Variants in ZNF385B observed in about 807,000 individuals in gnomAD.
ZNF385B encodes zinc finger protein 385B.
In ZNF385B, 23 loss-of-function variants were observed where a neutral mutation model predicts 39.2. That is an observed-to-expected ratio of 0.59 (90% CI 0.42 to 0.83). The LOEUF is 0.83. Among genes scored for constraint, ZNF385B ranks in the 40% least tolerant of loss-of-function variants. The probability of loss-of-function intolerance (pLI) is 0.00; values close to 1 mark genes in which losing one functional copy is unlikely to be tolerated. For missense variants in ZNF385B, 552 were observed against 598.9 expected (o/e 0.92, Z 0.82); for synonymous variants, 205 against 222.6 (o/e 0.92, Z 0.70).
rs185648677 is a variant in ZNF385B, at chr2:179,498,330, G to C, written c.553-14896C>G. 1.3e-4 allele frequency among the ~76,000 whole-genome samples: 19 copies of C among 151,386 alleles called. 1 individual carries two copies. Among genetic ancestry groups the C allele is most frequent in the Admixed American group, 1.2e-3 (18 of 15,210 alleles). On this transcript the variant is annotated intron_variant, in intron 5 of 9. Transcript: ENST00000410066. ...ACTACATATAACAAGTCTACATATA[G>C]ACCAAATGGGCCTATTAGATATTTA...
chr2:179,708,237 G>C (rs556167170), intron 3 of ZNF385B, among the ~76,000 whole-genome samples: 1 of 152,168 alleles, frequency 6.6e-6, no homozygotes, highest in Admixed American at 6.5e-5. Context: ...TTTCCCCCAC[G>C]CTGTTCTCTT....
chr2:179,505,827 T>TA (rs1483158803), intron 5 of ZNF385B, among the ~76,000 whole-genome samples: 2 of 151,950 alleles, frequency 1.3e-5, no homozygotes, highest in Admixed American at 1.3e-4. Flanking sequence ...TTAAAAACAA[T>TA]AAAAAAACGG....
chr2:179,638,426 G>A (rs1269179461), intron 3 of ZNF385B, among the ~76,000 whole-genome samples: 4 of 152,102 alleles, frequency 2.6e-5, no homozygotes, highest in East Asian at 3.9e-4. Context: ...TAGCAGTCCC[G>A]GTGTAGCAAA....
intron 3 of ZNF385B, among the ~76,000 whole-genome samples, chr2:179,568,370 A>T (rs1574839675): frequency 6.6e-6 from 1 of 152,134 alleles, no homozygotes; most frequent in Non-Finnish European, 1.5e-5. Context: ...CCTGTTACTA[A>T]AATATAATCT....
chr2:179,545,381 G>A (rs1389303787), intron 3 of ZNF385B, among the ~76,000 whole-genome samples: 2 of 152,122 alleles, frequency 1.3e-5, no homozygotes, highest in African/African-American at 4.8e-5. Context: ...TAGTGGACAG[G>A]TTTTATGCAA....
At chr2:179,705,228 A>G (rs1699502985) in intron 3 of ZNF385B, among the ~76,000 whole-genome samples, 1 of 151,952 alleles carries the variant, frequency 6.6e-6, no homozygotes, top group Admixed American at 6.6e-5. Flanking sequence ...AGTACCACTC[A>G]TCTCTGGGCT....
chr2:179,493,636 T>C (rs1257999076), intron 5 of ZNF385B, among the ~76,000 whole-genome samples: 11 of 100,084 alleles, frequency 1.1e-4, no homozygotes, highest in Non-Finnish European at 1.5e-4. Flanking sequence ...TACGCATATG[T>C]ATACACATAT....
chr2:179,446,518 T>G lies in ZNF385B; in HGVS notation c.961+7A>C, dbSNP rs1292311975. On this transcript the variant is annotated splice_region_variant and intron_variant, in intron 7 of 9. Coordinates refer to ENST00000410066, the MANE Select transcript of ZNF385B (RefSeq NM_152520.6). The stretch of plus-strand genomic sequence containing the variant: ...ACATTATTTAAATGCAAAAGATAGC[T>G]GCTAACCTGTGTTGTGTGCCTCTAG... 1 of 1,609,798 alleles carries G rather than the reference T, an allele frequency of 6.2e-7. No homozygotes were observed. Among genetic ancestry groups the G allele is most frequent in the Non-Finnish European group, 8.5e-7 (1 of 1,178,168 alleles).
intron 3 of ZNF385B, among the ~76,000 whole-genome samples, chr2:179,688,602 G>A (rs1222812908): frequency 6.6e-6 from 1 of 152,212 alleles, no homozygotes; most frequent in Non-Finnish European, 1.5e-5. Flanking sequence ...TGTGCCAAAT[G>A]TGTCCTGGAT....
intron 1 of ZNF385B, among the ~76,000 whole-genome samples, chr2:179,803,051 C>T (rs185915691): frequency 3.4e-4 from 52 of 152,218 alleles, no homozygotes; most frequent in Non-Finnish European, 5.9e-4. Context: ...CTTTAGAATA[C>T]TGTTGTGAGG....
chr2:179,628,086 T>C (rs1447022587), intron 3 of ZNF385B, among the ~76,000 whole-genome samples: 1 of 152,174 alleles, frequency 6.6e-6, no homozygotes, highest in African/African-American at 2.4e-5. Flanking sequence ...TCAGACATTA[T>C]ATCATTTTAT....
chr2:179,614,284 C>T (rs1444405006), intron 3 of ZNF385B, among the ~76,000 whole-genome samples: 5 of 149,848 alleles, frequency 3.3e-5, no homozygotes, highest in African/African-American at 1.2e-4. Flanking sequence ...GGCTTCTAGT[C>T]GGCCACCTTG....
At chr2:179,516,635 T>C (rs2058106540) in intron 5 of ZNF385B, among the ~76,000 whole-genome samples, 2 of 152,108 alleles carry the variant, frequency 1.3e-5, no homozygotes, top group South Asian at 4.1e-4. Flanking sequence ...TATTGAGTTA[T>C]AAATTATTTA....
intron 3 of ZNF385B, among the ~76,000 whole-genome samples, chr2:179,670,065 G>A (rs3106719): frequency 0.024 from 3,691 of 152,098 alleles, 147 homozygotes; most frequent in African/African-American, 0.083. Context: ...GCCGAGGCGG[G>A]CGGATCACGA....
chr2:179,677,661 G>A (rs1214754880), intron 3 of ZNF385B, among the ~76,000 whole-genome samples: 2 of 152,134 alleles, frequency 1.3e-5, no homozygotes, highest in African/African-American at 4.8e-5. Flanking sequence ...AGTTGAGATG[G>A]GAAGGGCAGA....
chr2:179,508,049 T>TCTAAACTAA (rs2057384486), intron 5 of ZNF385B, among the ~76,000 whole-genome samples: 10 of 151,942 alleles, frequency 6.6e-5, no homozygotes, highest in Admixed American at 5.9e-4. Context: ...TAAACGGTAT[T>TCTAAACTAA]AAATTAGTCT....
intron 3 of ZNF385B, among the ~76,000 whole-genome samples, chr2:179,569,847 T>A (rs1429054521): frequency 6.6e-6 from 1 of 152,210 alleles, no homozygotes; most frequent in Non-Finnish European, 1.5e-5. Flanking sequence ...TTCATTTATT[T>A]CCTCATTTAG....
chr2:179,834,777 C>T (rs368088610), intron 1 of ZNF385B, among the ~76,000 whole-genome samples: 2 of 152,268 alleles, frequency 1.3e-5, no homozygotes, highest in South Asian at 2.1e-4. Flanking sequence ...GCAAATACAC[C>T]TTTACCAAAT....
intron 3 of ZNF385B, among the ~76,000 whole-genome samples, chr2:179,627,816 T>TC (rs5836688): frequency 0.018 from 2,737 of 152,110 alleles, 41 homozygotes; most frequent in Middle Eastern, 0.037. Context: ...GTTTTTTTTT[T>TC]CCAAAAACAA....
Sources: allele counts gnomAD v4.1 joint callset (sites outside exome capture counted in the v4.1 genomes callset), GRCh38; gene constraint gnomAD v4.1.1; transcripts MANE v1.5; gene names NCBI Gene and HGNC (gene_info 2026-07-23, HGNC 2026-07-21).